The following NDUFAF6 variants were observed in gnomAD, a reference collection of about 807,000 sequenced individuals.
NDUFAF6 encodes NADH dehydrogenase (ubiquinone) complex I, assembly factor 6.
NDUFAF6 carries 45 observed loss-of-function variants against 40.8 expected under a neutral mutation model. The observed-to-expected ratio is 1.10, with a 90% CI of 0.87 to 1.42. The LOEUF is 1.42. NDUFAF6 is among the 40% of genes most tolerant of loss of function. NDUFAF6 has a pLI of 0.00. For missense variants in NDUFAF6, 435 were observed against 418.5 expected (o/e 1.04, Z -0.34); for synonymous variants, 185 against 155.9 (o/e 1.19, Z -1.39).
intron 1 of NDUFAF6, among the ~76,000 whole-genome samples, chr8:94,965,579 G>A (rs944672810): frequency 1.3e-5 from 2 of 152,210 alleles, no homozygotes; most frequent in Non-Finnish European, 2.9e-5. Flanking sequence ...CCAGACAAGG[G>A]CTAATAAGAG....
chr8:94,982,361 G>A (rs529294598), intron 2 of NDUFAF6, among the ~76,000 whole-genome samples: 1 of 152,294 alleles, frequency 6.6e-6, no homozygotes, highest in South Asian at 2.1e-4. Context: ...GGAGCAATAG[G>A]CTATCCCATA....
At chr8:94,936,723 C>T (rs1210945895) in intron 1 of NDUFAF6, among the ~76,000 whole-genome samples, 3 of 152,066 alleles carry the variant, frequency 2.0e-5, no homozygotes, top group Non-Finnish European at 4.4e-5. Context: ...ATGCCAGTGG[C>T]CATCAGAAGA....
intron 1 of NDUFAF6, chr8:94,927,522 C>T (rs1301831535): frequency 6.6e-6 from 1 of 152,136 alleles, no homozygotes; most frequent in African/African-American, 2.4e-5. Flanking sequence ...GATAGGAAGT[C>T]GAAAACCCAA....
At chr8:94,900,473 G>T (rs1302103165) in intron 1 of NDUFAF6, among the ~76,000 whole-genome samples, 1 of 152,144 alleles carries the variant, frequency 6.6e-6, no homozygotes, top group Non-Finnish European at 1.5e-5. Context: ...CAGAGGGAGG[G>T]CCCTTAAAAA....
Position 94,924,987 on chromosome 8 carries a change from C to T in NDUFAF6, c.-935-20496C>T, listed in dbSNP as rs181096701. 4.2e-3 allele frequency among the ~76,000 whole-genome samples: 636 copies of T among 152,338 alleles called. 7 individuals carry two copies. The highest frequency in any genetic ancestry group is 0.015 in the African/African-American group (614 of 41,574). On this transcript the variant is annotated intron_variant, in intron 1 of 14. Coordinates refer to the NDUFAF6 transcript ENST00000396113. The stretch of plus-strand genomic sequence containing the variant: ...TGAACTCCTGACCTCAGGTGACCCA[C>T]TTGCCTCAACTTCCCAAAGTGCTGG...
intron 2 of NDUFAF6, among the ~76,000 whole-genome samples, chr8:95,017,121 T>C (rs1827491279): frequency 7.1e-6 from 1 of 139,952 alleles, no homozygotes; most frequent in Admixed American, 7.1e-5. Context: ...TTTTTTTTTT[T>C]TGGGGACATG....
chr8:94,915,950 C>T (rs1399898717), intron 1 of NDUFAF6, among the ~76,000 whole-genome samples: 2 of 152,180 alleles, frequency 1.3e-5, no homozygotes, highest in Non-Finnish European at 2.9e-5. Flanking sequence ...CCTTTGATAT[C>T]TGTGTTCTCC....
At chr8:95,033,326 A>C in intron 2 of NDUFAF6, among the ~76,000 whole-genome samples, 1 of 152,166 alleles carries the variant, frequency 6.6e-6, no homozygotes, top group South Asian at 2.1e-4. Context: ...TTACAGGCAT[A>C]AGCCACTGCA....
At chr8:94,963,318 G>A (rs886909541) in intron 1 of NDUFAF6, among the ~76,000 whole-genome samples, 3 of 152,096 alleles carry the variant, frequency 2.0e-5, no homozygotes, top group Non-Finnish European at 2.9e-5. Flanking sequence ...ATGAAGCAGT[G>A]GTCCTGCCCC....
chr8:94,962,727 C>T (rs1249592656), intron 1 of NDUFAF6, among the ~76,000 whole-genome samples: 1 of 151,972 alleles, frequency 6.6e-6, no homozygotes, highest in Non-Finnish European at 1.5e-5. Flanking sequence ...ATCCTCCCAC[C>T]TTGGCTTCCC....
downstream of NDUFAF6, among the ~76,000 whole-genome samples, chr8:95,060,076 C>T (rs1193783589): frequency 2.6e-5 from 4 of 151,552 alleles, no homozygotes; most frequent in Non-Finnish European, 5.9e-5. Context: ...TCTTTGCTGG[C>T]TCAGAAGCCA....
chr8:95,064,543 G>A (rs896749276), intron 9 of NDUFAF6, among the ~76,000 whole-genome samples: 7 of 13,492 alleles, frequency 5.2e-4, no homozygotes, highest in African/African-American at 9.1e-4. Context: ...ATTTATTCGT[G>A]TGTGTGTGTG....
intron 3 of NDUFAF6, chr8:95,040,767 C>T (rs1189445349): frequency 2.0e-5 from 3 of 152,216 alleles, no homozygotes; most frequent in Non-Finnish European, 4.4e-5. Context: ...TTGTGACACG[C>T]TTCCGTCATT....
rs139915536 is a variant in NDUFAF6, at chr8:94,963,858, C to G, written c.-199+5679C>G. ...GACAGGTGGAGGCCTGCTTCTCAAG[C>G]AGTTAAGAAGCTCAGTGCACAAGCT... On this transcript the variant is annotated intron_variant, in intron 1 of 9. Coordinates refer to the NDUFAF6 transcript ENST00000396111. Among the ~76,000 whole-genome samples, 1,059 of 152,320 alleles carry G rather than the reference C, an allele frequency of 7.0e-3. 18 individuals are homozygous for G. The highest frequency in any genetic ancestry group is 0.023 in the African/African-American group (961 of 41,568).
intron 1 of NDUFAF6, chr8:94,930,544 G>T (rs1428797981): frequency 6.2e-7 from 1 of 1,614,214 alleles, no homozygotes. Context: ...ACTTGCCGAG[G>T]GTGGCAATCC....
At chr8:94,902,232 A>C (rs184538345) in intron 1 of NDUFAF6, among the ~76,000 whole-genome samples, 1 of 136,600 alleles carries the variant, frequency 7.3e-6, no homozygotes, top group East Asian at 2.2e-4. Flanking sequence ...CAGCCTGGCC[A>C]ACATGATGAA....
intron 1 of NDUFAF6, among the ~76,000 whole-genome samples, chr8:94,900,803 G>A (rs921630909): frequency 2.6e-5 from 4 of 152,182 alleles, no homozygotes; most frequent in Non-Finnish European, 5.9e-5. Flanking sequence ...CAAAATATAA[G>A]ATGATATGGC....
At chr8:94,959,367 G>A (rs1823363093) in intron 1 of NDUFAF6, among the ~76,000 whole-genome samples, 1 of 152,144 alleles carries the variant, frequency 6.6e-6, no homozygotes, top group South Asian at 2.1e-4. Flanking sequence ...TTGAAGAGGA[G>A]GAAGGAGGTC....
At chr8:95,039,042 T>G (rs1014570153) in intron 3 of NDUFAF6, among the ~76,000 whole-genome samples, 1 of 151,670 alleles carries the variant, frequency 6.6e-6, no homozygotes, top group East Asian at 2.0e-4. Flanking sequence ...AGTGTCATTA[T>G]CTCAGCTCAC....
Sources: allele counts gnomAD v4.1 joint callset (sites outside exome capture counted in the v4.1 genomes callset), GRCh38; gene constraint gnomAD v4.1.1; transcripts MANE v1.5; gene names NCBI Gene and HGNC (gene_info 2026-07-23, HGNC 2026-07-21).